Variants in PCDHA5 observed in about 807,000 individuals in gnomAD.
PCDHA5 encodes protocadherin alpha-5.
A neutral mutation model predicts 61.6 loss-of-function variants in PCDHA5; 43 were observed. That is an observed-to-expected ratio of 0.70 (90% CI 0.55 to 0.90). The LOEUF (loss-of-function observed/expected upper bound fraction) is 0.90. Among genes scored for constraint, PCDHA5 ranks in the 40% least tolerant of loss-of-function variants. The pLI, the probability that PCDHA5 is intolerant of heterozygous loss-of-function variation, is 0.00. For missense variants in PCDHA5, 1,298 were observed against 1,222.7 expected (o/e 1.06, Z -0.92); for synonymous variants, 627 against 543.9 (o/e 1.15, Z -2.13).
chr5:140,843,493 A>T, intron 1 of PCDHA5: 1 of 1,595,930 alleles, frequency 6.3e-7, no homozygotes, highest in Non-Finnish European at 8.6e-7. Context: ...TGCGGTGCTC[A>T]GCACTGCCCA....
chr5:140,884,656 G>T (rs782439139), intron 1 of PCDHA5: 8 of 1,602,178 alleles, frequency 5.0e-6, no homozygotes, highest in Non-Finnish European at 6.8e-6. Flanking sequence ...CAGAATGCTT[G>T]AAAGAGGTAA....
At chr5:140,872,652 T>C (rs1185435042) in intron 1 of PCDHA5, among the ~76,000 whole-genome samples, 2 of 152,142 alleles carry the variant, frequency 1.3e-5, no homozygotes, top group Non-Finnish European at 2.9e-5. Context: ...AGGCAAGAGA[T>C]TTGTCAACTA....
At position 140,877,725 on chromosome 5, in the gene PCDHA5, G is replaced by T. The variant is rs570815670; in HGVS notation, c.2352+53598G>T. On this transcript the variant is annotated intron_variant, in intron 1 of 3. Coordinates refer to ENST00000529859, the MANE Select transcript of PCDHA5 (RefSeq NM_018908.3). Reference sequence around the variant, plus strand: ...GCGCCGTGGGGAGTTGGTCTTACTCGCAGCAGAGGAGGCAGAGGGTGTGCT... The same window carrying T: ...GCGCCGTGGGGAGTTGGTCTTACTCTCAGCAGAGGAGGCAGAGGGTGTGCT... 5.6e-6 allele frequency: 9 copies of T among 1,614,124 alleles called. No individual in the cohort carries two copies. The South Asian group carries it at 8.8e-5, about 16-fold the overall frequency.
chr5:140,823,187 G>A lies in PCDHA5; in HGVS notation c.1412G>A (p.Cys471Tyr). 1 of 1,613,888 alleles carries A rather than the reference G, an allele frequency of 6.2e-7. No homozygotes were observed. The highest frequency in any genetic ancestry group is 8.5e-7 in the Non-Finnish European group (1 of 1,179,856). The change falls in exon 1 of 4, where the codon TGC becomes TAC. Residue 471 changes from cysteine to tyrosine, a missense_variant. By Grantham distance (194) the Cys-to-Tyr change is radical. Coordinates refer to ENST00000529859, the MANE Select transcript of PCDHA5 (RefSeq NM_018908.3). ...GTGAAGGAGAACAACCCGCCAGGCTGCCACATCTTCACGGTGTCTGCACGG... is the reference window on the plus strand; with the variant it reads ...GTGAAGGAGAACAACCCGCCAGGCTACCACATCTTCACGGTGTCTGCACGG... ...VFVKENNPPG[C>Y]HIFTVSARDA...
At chr5:140,966,687 G>A in intron 1 of PCDHA5, 1 of 1,340,546 alleles carries the variant, frequency 7.5e-7, no homozygotes, top group East Asian at 2.9e-5. Flanking sequence ...ACGAGCGGAG[G>A]CGGGGCCCGG....
chr5:140,926,967 A>G (rs782296182), intron 1 of PCDHA5: 4 of 1,606,666 alleles, frequency 2.5e-6, no homozygotes, highest in Middle Eastern at 1.7e-4. Context: ...TCGAGTACTC[A>G]GTGCCGGAGG....
chr5:140,927,886 G>C, intron 1 of PCDHA5: 1 of 1,614,210 alleles, frequency 6.2e-7, no homozygotes, highest in Non-Finnish European at 8.5e-7. Flanking sequence ...GGAGGTGACT[G>C]ACGTGAACGA....
chr5:140,879,894 T>C (rs2153369518), intron 1 of PCDHA5, among the ~76,000 whole-genome samples: 1 of 152,348 alleles, frequency 6.6e-6, no homozygotes. Context: ...CTCCTCTCCA[T>C]GTCTCTCTCT....
intron 1 of PCDHA5, chr5:140,968,151 T>C: frequency 6.2e-7 from 1 of 1,614,134 alleles, no homozygotes; most frequent in Non-Finnish European, 8.5e-7. Flanking sequence ...ATCTCTGACA[T>C]CAATGACAAT....
chr5:140,822,266 A>G lies in PCDHA5; in HGVS notation c.491A>G (p.Asn164Ser). The G allele has an allele frequency of 1.9e-6, 3 of 1,614,270 alleles. No homozygotes were observed. The highest frequency in any genetic ancestry group is 2.5e-6 in the Non-Finnish European group (3 of 1,180,052). The change falls in exon 1 of 4, where the codon AAT becomes AGT. Residue 164 changes from asparagine (N) to serine (S), a missense_variant. By Grantham distance (46) the Asn-to-Ser change is conservative (BLOSUM62 1). Transcript: ENST00000529859. ...EGASDLDIGA[N>S]AQLRYRLNPN... ...GCGTCGGATTTGGATATTGGAGCAAATGCACAATTGAGATACAGGTTAAAT... is the reference window on the plus strand; with the variant it reads ...GCGTCGGATTTGGATATTGGAGCAAGTGCACAATTGAGATACAGGTTAAAT...
chr5:140,907,864 G>A (rs1033952784), intron 1 of PCDHA5, among the ~76,000 whole-genome samples: 3 of 152,202 alleles, frequency 2.0e-5, no homozygotes, highest in African/African-American at 7.2e-5. Context: ...GAGGCCAGCC[G>A]TTGGTGAGCA....
chr5:140,871,644 C>A, intron 1 of PCDHA5: 2 of 1,286,330 alleles, frequency 1.6e-6, no homozygotes, highest in Non-Finnish European at 2.1e-6. Flanking sequence ...CATAAAATAC[C>A]AAATGATACA....
At chr5:140,826,677 T>TA (rs1447627266) in intron 1 of PCDHA5, among the ~76,000 whole-genome samples, 1 of 152,092 alleles carries the variant, frequency 6.6e-6, no homozygotes, top group Non-Finnish European at 1.5e-5. Context: ...TAGACGTAAT[T>TA]AAAAAAACCC....
intron 1 of PCDHA5, chr5:140,869,435 A>G (rs1554163053): frequency 6.2e-7 from 1 of 1,614,208 alleles, no homozygotes; most frequent in Admixed American, 1.7e-5. Context: ...GTGATCGTGG[A>G]CAGGCCGCTG....
chr5:140,879,923 G>C (rs2058180033), intron 1 of PCDHA5, among the ~76,000 whole-genome samples: 1 of 152,132 alleles, frequency 6.6e-6, no homozygotes, highest in South Asian at 2.1e-4. Context: ...GTTTTACAAA[G>C]GTACATGTGA....
At chr5:140,883,376 G>C in intron 1 of PCDHA5, 1 of 1,614,116 alleles carries the variant, frequency 6.2e-7, no homozygotes, top group Non-Finnish European at 8.5e-7. Context: ...CGCCATTATT[G>C]CCCTAATCAG....
chr5:140,856,238 C>T lies in PCDHA5; in HGVS notation c.2352+32111C>T, dbSNP rs1250461159. On this transcript the variant is annotated intron_variant, in intron 1 of 3. Transcript: ENST00000529859. ...GGCGGAGCTGGTGCAGCGCCTGTTC[C>T]GGGTGGCGTCCAAAAGACACGGGGA... The T allele has an allele frequency of 5.6e-6, 9 of 1,597,934 alleles. 1 individual carries two copies. Among genetic ancestry groups the T allele is most frequent in the Non-Finnish European group, 7.7e-6 (9 of 1,167,850 alleles).
chr5:140,862,825 C>T (rs782012901), intron 1 of PCDHA5: 2 of 572,056 alleles, frequency 3.5e-6, no homozygotes, highest in Non-Finnish European at 6.7e-6. Context: ...GGTGAGAGCG[C>T]GCGACGCGGG....
chr5:140,955,932 A>T (rs907189668), intron 1 of PCDHA5, among the ~76,000 whole-genome samples: 2 of 152,106 alleles, frequency 1.3e-5, no homozygotes, highest in Non-Finnish European at 2.9e-5. Flanking sequence ...GTTCATTCAT[A>T]ATATGGCTGT....
Sources: gnomAD v4.1 joint callset for allele counts (sites outside exome capture counted in the v4.1 genomes callset) on GRCh38, gnomAD v4.1.1 for gene constraint, MANE v1.5 for transcripts, NCBI Gene and HGNC (gene_info 2026-07-23, HGNC 2026-07-21) for gene names.